Variants in BCL11A observed in about 807,000 individuals in gnomAD.
The protein encoded by BCL11A is B cell CLL/lymphoma 11A.
In BCL11A, 2 loss-of-function variants were observed where a neutral mutation model predicts 55.9. The ratio of observed to expected loss-of-function variants is 0.04; its 90% CI spans 0.01 to 0.11. The LOEUF is 0.11. Among genes scored for constraint, BCL11A ranks in the 10% least tolerant of loss-of-function variants. The pLI, the probability that BCL11A is intolerant of heterozygous loss-of-function variation, is 1.00. For synonymous variants in BCL11A, 465 were observed against 473.4 expected (o/e 0.98, Z 0.23); for missense variants, 817 against 1,137.1 (o/e 0.72, Z 4.05).
At chr2:60,454,830 T>C (rs1307007920), downstream of BCL11A, among the ~76,000 whole-genome samples, 1 of 152,220 alleles carries the variant, frequency 6.6e-6, no homozygotes, top group Non-Finnish European at 1.5e-5. Context: ...TTTCAAGTTC[T>C]CACTTCTAGC....
chr2:60,533,928 T>C (rs1558496560), intron 2 of BCL11A: 1 of 152,242 alleles, frequency 6.6e-6, no homozygotes, highest in Non-Finnish European at 1.5e-5. Flanking sequence ...AGGTTAAAAT[T>C]ATAGTTATGT....
intron 2 of BCL11A, among the ~76,000 whole-genome samples, chr2:60,538,719 GTC>G (rs542617506): frequency 0.046 from 5,956 of 130,322 alleles, 284 homozygotes; most frequent in African/African-American, 0.11. Flanking sequence ...TAAACTGAAT[GTC>G]TCTCTCTCTC....
At chr2:60,489,251 G>C (rs991549522) in intron 2 of BCL11A, among the ~76,000 whole-genome samples, 7 of 152,126 alleles carry the variant, frequency 4.6e-5, no homozygotes, top group African/African-American at 1.4e-4. Flanking sequence ...CATGCCAATG[G>C]GGTCCTTGTC....
intron 1 of BCL11A, among the ~76,000 whole-genome samples, chr2:60,552,030 C>T (rs1558529945): frequency 1.3e-5 from 2 of 152,006 alleles, no homozygotes; most frequent in Admixed American, 6.5e-5. Context: ...GAGGGAGTTC[C>T]TCTCTCCCTC....
chr2:60,480,132 G>A (rs549427324), intron 2 of BCL11A, among the ~76,000 whole-genome samples: 14 of 152,326 alleles, frequency 9.2e-5, no homozygotes, highest in East Asian at 5.8e-4. Flanking sequence ...CAAGGACAGC[G>A]AGGAGGGGGG....
intron 2 of BCL11A, among the ~76,000 whole-genome samples, chr2:60,518,278 T>A (rs1327220304): frequency 6.6e-6 from 1 of 152,212 alleles, no homozygotes; most frequent in Non-Finnish European, 1.5e-5. Flanking sequence ...TGAGCTCTCA[T>A]AATACATAAA....
At position 60,461,753 on chromosome 2, in the gene BCL11A, T is replaced by C; in HGVS notation, c.1159A>G (p.Lys387Glu). The change falls in exon 4 of 4, where the codon AAA (lysine) becomes GAA (glutamate). Residue 387 changes from lysine (K) to glutamate (E), a missense_variant. Physicochemically the swap from Lys to Glu is moderately conservative, Grantham distance 56. Transcript: ENST00000642384. ...KSCEFCGKTF[K>E]FQSNLVVHRR... ...TGCACCACCAGGTTGCTCTGAAATT[T>C]GAACGTCTTGCCGCAGAACTCGCAT... is the stretch of plus-strand genomic sequence containing the variant. 1.2e-6 allele frequency: 2 copies of C among 1,613,040 alleles called. No individual in the cohort carries two copies. Among genetic ancestry groups the C allele is most frequent in the Non-Finnish European group, 1.7e-6 (2 of 1,179,960 alleles).
At chr2:60,488,388 A>G (rs1186247694) in intron 2 of BCL11A, among the ~76,000 whole-genome samples, 1 of 152,250 alleles carries the variant, frequency 6.6e-6, no homozygotes, top group Admixed American at 6.5e-5. Context: ...CAGCATTTAA[A>G]GATGACAGTA....
intron 2 of BCL11A, among the ~76,000 whole-genome samples, chr2:60,512,983 C>CAGA (rs1668547580): frequency 6.6e-6 from 1 of 152,082 alleles, no homozygotes; most frequent in African/African-American, 2.4e-5. Flanking sequence ...AATGAACACA[C>CAGA]AGAGCAACAG....
chr2:60,550,039 C>T (rs1670331652), intron 1 of BCL11A: 1 of 152,220 alleles, frequency 6.6e-6, no homozygotes, highest in South Asian at 2.1e-4. Flanking sequence ...GCAGAGCCGC[C>T]CAGCAAGCCA....
intron 2 of BCL11A, among the ~76,000 whole-genome samples, chr2:60,476,920 G>C (rs1677638941): frequency 6.6e-6 from 1 of 152,198 alleles, no homozygotes; most frequent in Non-Finnish European, 1.5e-5. Flanking sequence ...TGGGCCTTCT[G>C]AAAGTGGGGC....
intron 3 of BCL11A, among the ~76,000 whole-genome samples, chr2:60,467,666 C>G (rs1290961404): frequency 5.5e-5 from 2 of 36,142 alleles, no homozygotes; most frequent in Non-Finnish European, 1.1e-4. Context: ...GGTGATGGTA[C>G]TGGTGGTGAT....
At chr2:60,464,392 G>A (rs947195507) in intron 3 of BCL11A, among the ~76,000 whole-genome samples, 1 of 151,944 alleles carries the variant, frequency 6.6e-6, no homozygotes. Context: ...CAATAACTTG[G>A]GTCCCAAATA....
rs1466907845 is a variant in BCL11A, at chr2:60,461,742, G to C, written c.1170C>G (p.Ser390Arg). 6.2e-7 allele frequency: 1 copy of C among 1,613,904 alleles called. No homozygotes were observed. The highest frequency in any genetic ancestry group is 2.2e-5 in the East Asian group (1 of 44,870). Residue 390 changes from serine (S) to arginine (R), a missense_variant, in exon 4 of 4, where the codon AGC becomes AGG. Coordinates refer to ENST00000642384, the MANE Select transcript of BCL11A (RefSeq NM_022893.4). ...EFCGKTFKFQSNLVVHRRSHT... is the reference protein window; with the variant it reads ...EFCGKTFKFQRNLVVHRRSHT... ...GGCTGCGCCGGTGCACCACCAGGTT[G>C]CTCTGAAATTTGAACGTCTTGCCGC... is the stretch of plus-strand genomic sequence containing the variant.
chr2:60,450,771 G>A (rs111491009), downstream of BCL11A: 1 of 152,370 alleles, frequency 6.6e-6, no homozygotes, highest in African/African-American at 2.4e-5. Flanking sequence ...ACAGGGGAAA[G>A]GTGATGGCAA....
chr2:60,553,355 G>T lies in BCL11A; in HGVS notation c.-85C>A, dbSNP rs1458548577. ...GGTTCACATCGGGAGAGCCGGGTTA[G>T]AAAGAAGGAGACTCCAGAGAAAATA... On this transcript the variant is annotated 5_prime_UTR_variant, in exon 1 of 4. Transcript: ENST00000642384. The T allele has an allele frequency of 7.3e-7, 1 of 1,378,058 alleles. No individual in the cohort carries two copies. Among genetic ancestry groups the T allele is most frequent in the Non-Finnish European group, 9.9e-7 (1 of 1,011,124 alleles). 85.4% of individuals were successfully genotyped at this position (1,378,058 alleles called of 1,614,324 possible). A position where few individuals can be genotyped will look rare whatever the true frequency, so the allele number is the denominator to read the frequency against.
downstream of BCL11A, among the ~76,000 whole-genome samples, chr2:60,455,350 T>C (rs377669171): frequency 6.6e-6 from 1 of 152,212 alleles, no homozygotes; most frequent in Non-Finnish European, 1.5e-5. Flanking sequence ...TTATTTTATA[T>C]TAAGATTTTA....
In BCL11A at chr2:60,457,670, GT is replaced by G. The variant is rs36105824; in HGVS notation, c.*2733del. 194,202 of 908,002 alleles carry G rather than the reference GT, an allele frequency of 0.21. 2,770 individuals carry two copies. Among genetic ancestry groups the G allele is most frequent in the Non-Finnish European group, 0.23 (173,437 of 762,414 alleles). The allele number at this position is 908,002 out of a possible 1,614,324, so 56.2% of individuals were successfully genotyped here. On this transcript the variant is annotated 3_prime_UTR_variant, in exon 4 of 4. Transcript: ENST00000642384. Reference sequence around the variant, plus strand: ...CAATGAAAAAAACTGCAAAACATTGGTTTTTTTTTTTTTTTCCTTTTTTTTT... The same window carrying G: ...CAATGAAAAAAACTGCAAAACATTGGTTTTTTTTTTTTTTCCTTTTTTTTT...
chr2:60,453,576 C>A (rs1675814765), downstream of BCL11A, among the ~76,000 whole-genome samples: 1 of 152,202 alleles, frequency 6.6e-6, no homozygotes, highest in African/African-American at 2.4e-5. Flanking sequence ...CATGCTGCGT[C>A]CAGGTGGGTT....
Sources: allele counts gnomAD v4.1 joint callset (sites outside exome capture counted in the v4.1 genomes callset), GRCh38; gene constraint gnomAD v4.1.1; transcripts MANE v1.5; gene names NCBI Gene and HGNC (gene_info 2026-07-23, HGNC 2026-07-21).